Variants in ACMSD observed in about 807,000 individuals in gnomAD.
The protein encoded by ACMSD is 2-amino-3-carboxymuconate-6-semialdehyde decarboxylase.
ACMSD carries 37 observed loss-of-function variants against 45.9 expected under a neutral mutation model. The observed-to-expected ratio is 0.81, with a 90% CI of 0.62 to 1.06. ACMSD has a LOEUF of 1.06. Among genes scored for constraint, ACMSD ranks in the 50% least tolerant of loss-of-function variants. The pLI, the probability that ACMSD is intolerant of heterozygous loss-of-function variation, is 0.00. For synonymous variants in ACMSD, 138 were observed against 148.8 expected (o/e 0.93, Z 0.53); for missense variants, 434 against 420.9 (o/e 1.03, Z -0.27).
chr2:134,847,451 T>TAGATAGGTAGATATAGATAG (rs1687118237), intron 2 of ACMSD, among the ~76,000 whole-genome samples: 3 of 143,862 alleles, frequency 2.1e-5, no homozygotes, highest in African/African-American at 7.6e-5. Flanking sequence ...TAGATAGATA[T>TAGATAGGTAGATATAGATAG]AGATAGAGAT....
intron 5 of ACMSD, among the ~76,000 whole-genome samples, 186 bp downstream of exon 5, chr2:134,863,817 G>A (rs1687966354): frequency 6.6e-6 from 1 of 152,160 alleles, no homozygotes; most frequent in African/African-American, 2.4e-5. Flanking sequence ...ATTCCAAAGA[G>A]GAACTGGTGG....
At chr2:134,864,994 A>T (rs1480537544) in intron 5 of ACMSD, among the ~76,000 whole-genome samples, 1 of 152,192 alleles carries the variant, frequency 6.6e-6, no homozygotes, top group Non-Finnish European at 1.5e-5. Context: ...GAATTATAAT[A>T]ATATTGCTTT....
intron 2 of ACMSD, among the ~76,000 whole-genome samples, chr2:134,850,560 G>C (rs953344218): frequency 6.6e-6 from 1 of 152,078 alleles, no homozygotes; most frequent in Non-Finnish European, 1.5e-5. Context: ...GAGCCAACAG[G>C]CTTGGCCAAA....
rs200762839 is a variant in ACMSD, at chr2:134,867,534, C to T, written c.487-45C>T. The T allele has an allele frequency of 5.6e-5, 83 of 1,485,126 alleles. No homozygotes were observed. In the Admixed American group the frequency reaches 8.2e-4, roughly 15 times the overall value. The allele number at this position is 1,485,126 out of a possible 1,614,324, so 92.0% of individuals were successfully genotyped here. A position where few individuals can be genotyped will look rare whatever the true frequency, so the allele number is the denominator to read the frequency against. On this transcript the variant is annotated intron_variant, in intron 5 of 9. Transcript: ENST00000356140. ...CAAAACAGTACCTGGTATCTGCTCA[C>T]TCATCAAAGTAACCCTCTCTCTCTC... is the stretch of plus-strand genomic sequence containing the variant.
chr2:134,863,665 G>A (rs754821198), intron 5 of ACMSD, 34 bp downstream of exon 5: 22 of 1,606,604 alleles, frequency 1.4e-5, no homozygotes, highest in South Asian at 2.2e-5. Context: ...AACGCCAGCC[G>A]CCCAGTGCCT....
chr2:134,886,243 A>ATTTTTTT (rs200101134), intron 8 of ACMSD, among the ~76,000 whole-genome samples: 20 of 123,520 alleles, frequency 1.6e-4, no homozygotes, highest in East Asian at 9.9e-4. Context: ...CATTATTATT[A>ATTTTTTT]TTATTTTTTT....
At chr2:134,853,952 G>A (rs1687466041) in intron 2 of ACMSD, among the ~76,000 whole-genome samples, 1 of 152,152 alleles carries the variant, frequency 6.6e-6, no homozygotes, top group South Asian at 2.1e-4. Context: ...CTACTACATA[G>A]ACACCCATCA....
chr2:134,853,738 T>C (rs1687455956), intron 2 of ACMSD, among the ~76,000 whole-genome samples: 2 of 152,174 alleles, frequency 1.3e-5, no homozygotes, highest in African/African-American at 4.8e-5. Flanking sequence ...GGGCTTATTA[T>C]ACGGGCACAG....
At chr2:134,872,215 C>T (rs1378626093) in intron 7 of ACMSD, among the ~76,000 whole-genome samples, 1 of 152,112 alleles carries the variant, frequency 6.6e-6, no homozygotes, top group African/African-American at 2.4e-5. Context: ...CCTTGGCCTC[C>T]CAAAGTGCTA....
intron 3 of ACMSD, among the ~76,000 whole-genome samples, chr2:134,859,935 A>G (rs1430732001): frequency 6.6e-6 from 1 of 152,196 alleles, no homozygotes; most frequent in Admixed American, 6.5e-5. Context: ...AGCTATAAGA[A>G]CATCTTGCAC....
chr2:134,844,729 G>A (rs145882073), intron 1 of ACMSD, among the ~76,000 whole-genome samples: 49 of 152,188 alleles, frequency 3.2e-4, no homozygotes, highest in African/African-American at 1.1e-3. Context: ...ATGCACAGAA[G>A]TGTGAAAGCA....
intron 6 of ACMSD, among the ~76,000 whole-genome samples, chr2:134,870,537 C>T (rs1391899958): frequency 6.6e-6 from 1 of 152,142 alleles, no homozygotes; most frequent in African/African-American, 2.4e-5. Flanking sequence ...TTGCAAGGCT[C>T]CACAACAGTC....
chr2:134,901,733 T>G (rs1267950397), intron 9 of ACMSD, 65 bp from the exon 10 acceptor site: 1 of 1,226,766 alleles, frequency 8.2e-7, no homozygotes, highest in African/African-American at 1.5e-5. Context: ...ACCTGATCAA[T>G]GTAGTACTTA....
chr2:134,857,373 G>C (rs749755132), intron 2 of ACMSD, among the ~76,000 whole-genome samples: 9 of 151,938 alleles, frequency 5.9e-5, no homozygotes, highest in Non-Finnish European at 1.3e-4. Flanking sequence ...GGGAGGCAGA[G>C]GCTGCAGTGA....
chr2:134,867,548 C>CCTCT (rs138317668), intron 5 of ACMSD, 31 bp from the exon 6 acceptor site: 6 of 1,473,404 alleles, frequency 4.1e-6, no homozygotes, highest in Non-Finnish European at 5.6e-6. Context: ...TCAAAGTAAC[C>CCTCT]CTCTCTCTCT....
intron 8 of ACMSD, among the ~76,000 whole-genome samples, chr2:134,885,799 C>T (rs942993942): frequency 1.3e-5 from 2 of 152,078 alleles, no homozygotes; most frequent in Non-Finnish European, 1.5e-5. Context: ...AATAATCAGT[C>T]GAGTGGGTTT....
chr2:134,870,231 C>T (rs1688363706), intron 6 of ACMSD, among the ~76,000 whole-genome samples: 1 of 152,204 alleles, frequency 6.6e-6, no homozygotes, highest in South Asian at 2.1e-4. Flanking sequence ...AGGCATTAGA[C>T]ATGGACCAGC....
Position 134,873,993 on chromosome 2 carries a change from A to C in ACMSD, c.849+1352A>C, listed in dbSNP as rs148232948. 2.0e-5 allele frequency among the ~76,000 whole-genome samples: 3 copies of C among 152,204 alleles called. No homozygotes were observed. In the East Asian group the frequency reaches 5.8e-4, roughly 29 times the overall value. ...AGTACCTCCTTACTAGTATTCTTGG[A>C]AATTGAAAACACCAGGAGAAAACAC... On this transcript the variant is annotated intron_variant, in intron 8 of 9. Transcript: ENST00000356140.
At chr2:134,885,304 TAA>T (rs1383056754) in intron 8 of ACMSD, among the ~76,000 whole-genome samples, 15 of 46,614 alleles carry the variant, frequency 3.2e-4, no homozygotes, top group African/African-American at 5.5e-4. Context: ...TATATATATT[TAA>T]ATATATATAT....
Sources: gnomAD v4.1 joint callset for allele counts (sites outside exome capture counted in the v4.1 genomes callset) on GRCh38, gnomAD v4.1.1 for gene constraint, MANE v1.5 for transcripts, NCBI Gene and HGNC (gene_info 2026-07-23, HGNC 2026-07-21) for gene names.